RBPJ: variants seen among roughly 807,000 people sequenced by gnomAD.
RBPJ encodes the protein recombination signal binding protein for immunoglobulin kappa J region.
A neutral mutation model predicts 67.8 loss-of-function variants in RBPJ; 9 were observed. The ratio of observed to expected loss-of-function variants is 0.13; its 90% confidence interval spans 0.08 to 0.23. The LOEUF is 0.23. RBPJ is among the 10% of genes least tolerant of loss of function. The probability of loss-of-function intolerance (pLI) is 1.00; values close to 1 mark genes in which losing one functional copy is unlikely to be tolerated. For missense variants in RBPJ, 305 were observed against 595.6 expected (o/e 0.51, Z 5.08); for synonymous variants, 198 against 203.3 (o/e 0.97, Z 0.22).
At chr4:26,109,668 CTA>C in the RBPJ span, among the ~76,000 whole-genome samples, 83 of 33,292 alleles carry the variant, frequency 2.5e-3, 18 homozygotes, top group African/African-American at 3.2e-3. Context: ...CTCTCTCTCT[CTA>C]TATATATATA....
At chr4:26,377,279 A>G (rs1729848832) in intron 1 of RBPJ, among the ~76,000 whole-genome samples, 1 of 152,226 alleles carries the variant, frequency 6.6e-6, no homozygotes, top group African/African-American at 2.4e-5. Context: ...TTCTTGCTCC[A>G]GGTCACACCG....
chr4:26,308,404 A>T (rs1017671817), intron 1 of RBPJ, among the ~76,000 whole-genome samples: 6 of 152,252 alleles, frequency 3.9e-5, no homozygotes, highest in Admixed American at 3.9e-4. Context: ...TAATAGAATG[A>T]TTAGAAATTA....
the RBPJ span, among the ~76,000 whole-genome samples, chr4:26,149,401 C>T: frequency 6.6e-6 from 1 of 152,132 alleles, no homozygotes; most frequent in Non-Finnish European, 1.5e-5. Context: ...TTACTATCAT[C>T]GATAATAGTA....
chr4:26,247,684 A>G (rs889413494), intron 1 of RBPJ, among the ~76,000 whole-genome samples: 1 of 152,194 alleles, frequency 6.6e-6, no homozygotes, highest in African/African-American at 2.4e-5. Context: ...TGCTGGGATT[A>G]CAGGCATGAG....
the RBPJ span, among the ~76,000 whole-genome samples, chr4:26,110,257 G>C: frequency 6.6e-6 from 1 of 152,060 alleles, no homozygotes; most frequent in Non-Finnish European, 1.5e-5. This position sits in a 1 kb window ranked among gnomAD's most constrained non-coding sequence, Gnocchi z 4.5. Flanking sequence ...TGGACCTTTG[G>C]GGTCCAGCAT....
At chr4:26,343,967 T>G (rs1725849021) in intron 1 of RBPJ, among the ~76,000 whole-genome samples, 1 of 151,958 alleles carries the variant, frequency 6.6e-6, no homozygotes, top group Non-Finnish European at 1.5e-5. Flanking sequence ...GCCAGGCTGG[T>G]CTTGAATTCC....
At chr4:26,307,773 G>T (rs1200928207) in intron 1 of RBPJ, among the ~76,000 whole-genome samples, 1 of 152,194 alleles carries the variant, frequency 6.6e-6, no homozygotes, top group Non-Finnish European at 1.5e-5. Context: ...AAAGTACTTA[G>T]ATGAAAAATT....
intron 1 of RBPJ, among the ~76,000 whole-genome samples, chr4:26,181,691 T>C (rs1260015550): frequency 1.3e-5 from 2 of 152,160 alleles, no homozygotes; most frequent in East Asian, 1.9e-4. Context: ...CAAACCAGTA[T>C]AGCATGTGAC....
At chr4:26,399,371 C>T (rs568539230) in intron 2 of RBPJ, among the ~76,000 whole-genome samples, 9 of 152,282 alleles carry the variant, frequency 5.9e-5, no homozygotes, top group East Asian at 1.9e-4. Flanking sequence ...TTTACCTTTA[C>T]GCGGGGACCA....
At chr4:26,336,079 G>A (rs1002699943) in intron 1 of RBPJ, among the ~76,000 whole-genome samples, 1 of 152,106 alleles carries the variant, frequency 6.6e-6, no homozygotes, top group Admixed American at 6.5e-5. Context: ...GGAAGAGATT[G>A]GAAAGCTATG....
At position 26,332,221 on chromosome 4, in the gene RBPJ, TAAAAA is replaced by T. The variant is rs562758027; in HGVS notation, c.20+11180_20+11184del. Among the ~76,000 whole-genome samples, 3 of 146,598 alleles carry T rather than the reference TAAAAA, an allele frequency of 2.0e-5. No homozygotes were observed. In the East Asian group the frequency reaches 5.9e-4, roughly 29 times the overall value. On this transcript the variant is annotated intron_variant, in intron 1 of 10. Coordinates refer to ENST00000355476, the MANE Select transcript of RBPJ (RefSeq NM_015874.6). ...AGTTGCCATGTCACTATTGTAATGT[TAAAAA>T]AAAAAAGACCTTTCAGAGGTTATTT...
At chr4:26,304,316 T>C (rs753110400) in intron 1 of RBPJ, among the ~76,000 whole-genome samples, 2 of 152,238 alleles carry the variant, frequency 1.3e-5, no homozygotes, top group Non-Finnish European at 2.9e-5. Flanking sequence ...TGAACATTTA[T>C]GTTTCTGTAT....
At chr4:26,343,117 T>C (rs1315021712) in intron 1 of RBPJ, 1 of 152,240 alleles carries the variant, frequency 6.6e-6, no homozygotes, top group African/African-American at 2.4e-5. Flanking sequence ...TTGTAAATTG[T>C]AGCCACACTT....
chr4:26,414,495 C>T lies in RBPJ; in HGVS notation c.156-980C>T, dbSNP rs147061510. 4.0e-3 allele frequency among the ~76,000 whole-genome samples: 607 copies of T among 152,146 alleles called. 6 individuals are homozygous for T. The highest frequency in any genetic ancestry group is 0.014 in the African/African-American group (585 of 41,488). On this transcript the variant is annotated intron_variant, in intron 3 of 10. Coordinates refer to ENST00000355476, the MANE Select transcript of RBPJ (RefSeq NM_015874.6). ...GGATATTCCTGTTTATTGTACGCGC[C>T]GTTCACCCATTTATATTACTTATGT...
At chr4:26,259,892 C>A (rs1169474589) in intron 1 of RBPJ, among the ~76,000 whole-genome samples, 1 of 152,156 alleles carries the variant, frequency 6.6e-6, no homozygotes, top group Non-Finnish European at 1.5e-5. Context: ...TTACTTGGGG[C>A]ATTATCCCCA....
intron 1 of RBPJ, chr4:26,359,681 G>C (rs1034561772): frequency 1.3e-5 from 2 of 152,218 alleles, no homozygotes; most frequent in African/African-American, 4.8e-5. Flanking sequence ...CGACAGGAGG[G>C]ATGGTGGCCG....
the RBPJ span, among the ~76,000 whole-genome samples, chr4:26,133,712 G>A: frequency 1.3e-5 from 2 of 152,114 alleles, no homozygotes; most frequent in East Asian, 3.9e-4. Context: ...ATGATCTGAG[G>A]TGGAACAGTT....
Position 26,430,327 on chromosome 4 carries a change from A to C in RBPJ, c.1045-92A>C. ...ACATTTTAATTGCCCTTTTTTAAAA[A>C]AAACAAATGAAAGTTGAATGAGAAT... On this transcript the variant is annotated intron_variant, in intron 9 of 10. Coordinates refer to ENST00000355476, the MANE Select transcript of RBPJ (RefSeq NM_015874.6). The surrounding 1 kb of genome is among the most constrained non-coding windows in gnomAD (Gnocchi z 4.1). 8.7e-7 allele frequency: 1 copy of C among 1,153,772 alleles called. No homozygotes were observed. The highest frequency in any genetic ancestry group is 2.4e-5 in the East Asian group (1 of 41,490). The allele number at this position is 1,153,772 out of a possible 1,614,324, so 71.5% of individuals were successfully genotyped here. A position where few individuals can be genotyped will look rare whatever the true frequency, so the allele number is the denominator to read the frequency against.
intron 1 of RBPJ, among the ~76,000 whole-genome samples, chr4:26,218,324 A>G (rs1054707562): frequency 4.6e-5 from 7 of 152,226 alleles, no homozygotes; most frequent in Non-Finnish European, 1.0e-4. Flanking sequence ...ATGACTATAA[A>G]GACAGAAGTG....
Sources: allele counts gnomAD v4.1 joint callset (sites outside exome capture counted in the v4.1 genomes callset), GRCh38; gene constraint gnomAD v4.1.1; non-coding constraint Gnocchi (gnomAD v3.1); transcripts MANE v1.5; gene names NCBI Gene and HGNC (gene_info 2026-07-23, HGNC 2026-07-21).